The following WNT2B variants were observed in gnomAD, a reference collection of about 807,000 sequenced individuals.
WNT2B encodes the protein Wnt family member 2B.
In WNT2B, 19 loss-of-function variants were observed where a neutral mutation model predicts 40.5. That is an observed-to-expected ratio of 0.47 (90% CI 0.33 to 0.69). The LOEUF (loss-of-function observed/expected upper bound fraction) is 0.69. WNT2B is among the 30% of genes least tolerant of loss of function. The pLI, the probability that WNT2B is intolerant of heterozygous loss-of-function variation, is 0.02. For synonymous variants in WNT2B, 220 were observed against 211.9 expected, an observed-to-expected ratio of 1.04 and a Z score of -0.33; for missense variants, 467 against 556.4, an observed-to-expected ratio of 0.84 and a Z score of 1.62.
intron 1 of WNT2B, among the ~76,000 whole-genome samples, chr1:112,498,546 T>C (rs114510933): frequency 0.019 from 2,748 of 147,684 alleles, 78 homozygotes; most frequent in African/African-American, 0.058. Context: ...ATCTCTCTCT[T>C]TTTTTTTTTA....
chr1:112,500,585 C>T (rs1651915561), intron 1 of WNT2B, among the ~76,000 whole-genome samples: 1 of 151,844 alleles, frequency 6.6e-6, no homozygotes, highest in Non-Finnish European at 1.5e-5. Context: ...GCCTGGGCAA[C>T]ATAGTGAGAC....
chr1:112,497,066 C>T (rs1452839070), intron 1 of WNT2B, among the ~76,000 whole-genome samples: 2 of 152,238 alleles, frequency 1.3e-5, no homozygotes, highest in Non-Finnish European at 1.5e-5. Flanking sequence ...GCGTTGGGCC[C>T]CCAAGCCCCT....
intron 1 of WNT2B, among the ~76,000 whole-genome samples, chr1:112,512,078 G>GA (rs924088316): frequency 4.1e-4 from 57 of 139,826 alleles, no homozygotes; most frequent in African/African-American, 5.0e-4. Flanking sequence ...AAGGAGGAAA[G>GA]AAAAAAAAAA....
Position 112,515,195 on chromosome 1 carries a change from T to C in WNT2B, c.403+101T>C, listed in dbSNP as rs947588826. The C allele has an allele frequency of 6.8e-6, 9 of 1,320,566 alleles. No homozygotes were observed. In the African/African-American group the frequency reaches 1.0e-4, roughly 15 times the overall value. 81.8% of individuals were successfully genotyped at this position (1,320,566 alleles called of 1,614,324 possible). On this transcript the variant is annotated intron_variant, in intron 2 of 4. Transcript: ENST00000369684. The surrounding 1 kb of genome is among the most constrained non-coding windows in gnomAD (Gnocchi z 4.4). The stretch of plus-strand genomic sequence containing the variant: ...ATCTCCCCTCTCCTCTCCCACACAC[T>C]GTTTCATCATCAGAGAAAGAACTGT...
chr1:112,505,073 G>A (rs926878831), upstream of WNT2B, among the ~76,000 whole-genome samples: 1 of 152,224 alleles, frequency 6.6e-6, no homozygotes, highest in African/African-American at 2.4e-5. Flanking sequence ...GTGACATCAA[G>A]GGTGACAGTG....
chr1:112,506,049 C>G (rs1288385084), upstream of WNT2B, among the ~76,000 whole-genome samples: 2 of 152,080 alleles, frequency 1.3e-5, no homozygotes, highest in Non-Finnish European at 2.9e-5. Context: ...ACTCTGTTGC[C>G]CAGGCTGGGT....
Position 112,513,821 on chromosome 1 carries a change from G to A in WNT2B, c.183-1053G>A, listed in dbSNP as rs547553061. ...CAGCAAATCAAGGAAGGTGCTATGG[G>A]GTTAAAGGGAGAGAAAGAGAATGAC... On this transcript the variant is annotated intron_variant, in intron 1 of 4. Transcript: ENST00000369684. Among the ~76,000 whole-genome samples, 62 of 152,326 alleles carry A rather than the reference G, an allele frequency of 4.1e-4. 4 individuals are homozygous for A. The South Asian group carries it at 0.012, about 30-fold the overall frequency.
At position 112,509,119 on chromosome 1, in the gene WNT2B, C is replaced by G. The variant is rs775781209; in HGVS notation, c.-144C>G. On this transcript the variant is annotated 5_prime_UTR_variant, in exon 1 of 5. Transcript: ENST00000369684. The surrounding 1 kb of genome is among the most constrained non-coding windows in gnomAD (Gnocchi z 4.2). Reference sequence around the variant, plus strand: ...CTCTCGGGGATCCTCCTCCCGGGCTCTGGACCCCAGGTGATCCTAGGTCCC... The same window carrying G: ...CTCTCGGGGATCCTCCTCCCGGGCTGTGGACCCCAGGTGATCCTAGGTCCC... 2 of 1,363,380 alleles carry G rather than the reference C, an allele frequency of 1.5e-6. No individual in the cohort carries two copies. The highest frequency in any genetic ancestry group is 1.8e-5 in the South Asian group (1 of 56,508). The allele number at this position is 1,363,380 out of a possible 1,614,324, so 84.5% of individuals were successfully genotyped here.
intron 1 of WNT2B, among the ~76,000 whole-genome samples, chr1:112,492,414 T>G (rs767459505): frequency 4.6e-5 from 7 of 152,154 alleles, no homozygotes; most frequent in Non-Finnish European, 8.8e-5. Flanking sequence ...TGAGCTGTAA[T>G]TGATGAATTG....
At chr1:112,474,507 A>G (rs776669113) in intron 1 of WNT2B, among the ~76,000 whole-genome samples, 16 of 152,244 alleles carry the variant, frequency 1.1e-4, no homozygotes, top group Non-Finnish European at 2.1e-4. Context: ...ATGAACAAAC[A>G]TAAAAGAACA....
intron 1 of WNT2B, among the ~76,000 whole-genome samples, chr1:112,473,244 AGAG>A (rs1477057295): frequency 6.7e-6 from 1 of 149,274 alleles, no homozygotes; most frequent in Non-Finnish European, 1.5e-5. Flanking sequence ...AGGAAGGAAA[AGAG>A]GGAGGGAGGG....
chr1:112,479,278 C>A (rs1570764264), intron 1 of WNT2B, among the ~76,000 whole-genome samples: 1 of 150,934 alleles, frequency 6.6e-6, no homozygotes, highest in Admixed American at 6.6e-5. Context: ...AAACATAAGA[C>A]AAAAATTTGC....
intron 1 of WNT2B, among the ~76,000 whole-genome samples, chr1:112,472,564 A>G (rs948711665): frequency 1.3e-5 from 2 of 152,094 alleles, no homozygotes; most frequent in Non-Finnish European, 2.9e-5. Flanking sequence ...CCAATGAAAA[A>G]AAAAAAAAAA....
In WNT2B at chr1:112,516,297, C is replaced by G. The variant is rs1176973918; in HGVS notation, c.561C>G (p.Gly187=). ...HDQRGDFDWG[G]CSDNIHYGVR... ...AGCGTGGGGACTTTGACTGGGGTGG[C>G]TGCAGTGACAACATCCACTACGGTG... The change falls in exon 3 of 5, where the codon GGC becomes GGG. Residue 187 remains glycine (G), a synonymous_variant. Coordinates refer to ENST00000369684, the MANE Select transcript of WNT2B (RefSeq NM_024494.3). 1 of 1,614,126 alleles carries G rather than the reference C, an allele frequency of 6.2e-7. No homozygotes were observed. Among genetic ancestry groups the G allele is most frequent in the Non-Finnish European group, 8.5e-7 (1 of 1,180,036 alleles).
chr1:112,518,246 C>T (rs1434315980), intron 4 of WNT2B: 1 of 152,214 alleles, frequency 6.6e-6, no homozygotes, highest in Non-Finnish European at 1.5e-5. Context: ...ATTTCTGGTT[C>T]AGATAGGTTA....
chr1:112,506,409 C>G (rs1159709205), upstream of WNT2B, among the ~76,000 whole-genome samples: 3 of 152,224 alleles, frequency 2.0e-5, no homozygotes, highest in Non-Finnish European at 4.4e-5. Flanking sequence ...GATTTGGGGG[C>G]CCATGTGGGC....
At chr1:112,501,808 C>A (rs115027401) in intron 1 of WNT2B, among the ~76,000 whole-genome samples, 2,019 of 152,234 alleles carry the variant, frequency 0.013, 52 homozygotes, top group African/African-American at 0.046. Context: ...GGTGTGTGTG[C>A]GCGCTTCGTC....
At chr1:112,507,541 G>A (rs1652150479), upstream of WNT2B, among the ~76,000 whole-genome samples, 2 of 152,186 alleles carry the variant, frequency 1.3e-5, no homozygotes, top group Admixed American at 6.5e-5. Flanking sequence ...GCTAGGACCC[G>A]GAGGCGGTGG....
intron 1 of WNT2B, among the ~76,000 whole-genome samples, chr1:112,511,100 T>TA (rs1652333400): frequency 6.6e-6 from 1 of 152,206 alleles, no homozygotes; most frequent in Non-Finnish European, 1.5e-5. Context: ...CAGTGGTTCC[T>TA]AAAGACCCAA....
Sources: allele counts gnomAD v4.1 joint callset (sites outside exome capture counted in the v4.1 genomes callset), GRCh38; gene constraint gnomAD v4.1.1; non-coding constraint Gnocchi (gnomAD v3.1); transcripts MANE v1.5; gene names NCBI Gene and HGNC (gene_info 2026-07-23, HGNC 2026-07-21).